DBX1: variants seen among roughly 807,000 people sequenced by gnomAD.
DBX1 encodes the protein developing brain homeobox 1, also known as homeobox protein DBX1.
Under a neutral mutation model 20.8 loss-of-function variants are expected in DBX1, and 10 were observed. That is an observed-to-expected ratio of 0.48 (90% CI 0.30 to 0.82). The LOEUF is 0.82. Ranked by LOEUF, DBX1 falls within the 40% of genes least tolerant of loss-of-function variation. DBX1 has a pLI of 0.07. For missense variants in DBX1, 505 were observed against 468.8 expected (o/e 1.08, Z -0.71); for synonymous variants, 241 against 213.9 (o/e 1.13, Z -1.11).
At position 20,156,261 on chromosome 11, in the gene DBX1, C is replaced by T. The variant is rs757022947; in HGVS notation, c.985G>A (p.Glu329Lys). The T allele has an allele frequency of 3.9e-6, 6 of 1,521,488 alleles. No individual in the cohort carries two copies. The highest frequency in any genetic ancestry group is 4.4e-6 in the Non-Finnish European group (5 of 1,136,738). 94.2% of individuals were successfully genotyped at this position (1,521,488 alleles called of 1,614,324 possible). A position where few individuals can be genotyped will look rare whatever the true frequency, so the allele number is the denominator to read the frequency against. The change falls in exon 4 of 4, where the codon GAG becomes AAG. Residue 329 changes from glutamate (E) to lysine (K), a missense_variant. Physicochemically the swap from Glu to Lys is moderately conservative, Grantham distance 56 (BLOSUM62 1). Transcript: ENST00000524983. The surrounding 1 kb of genome is among the most constrained non-coding windows in gnomAD (Gnocchi z 4.8). The stretch of plus-strand genomic sequence containing the variant: ...TGTTCCTCGCCCTCCTCTTCCTCCT[C>T]GGAATCTGAGAAGTCCGAAGGTTTC... ...PGKPSDFSDS[E>K]EEEEGEEQEE...
rs149083489 is a variant in DBX1, at chr11:20,156,273, A to G, written c.973T>C (p.Phe325Leu). ...TCCTCTTCCTCCTCGGAATCTGAGA[A>G]GTCCGAAGGTTTCCCGGGACTGCTC... ...HSSSPGKPSD[F>L]SDSEEEEEGE... The change falls in exon 4 of 4, where the codon TTC (phenylalanine) becomes CTC (leucine). Residue 325 changes from phenylalanine (F) to leucine (L), a missense_variant. Physicochemically the swap from Phe to Leu is conservative, Grantham distance 22 (BLOSUM62 0). Coordinates refer to ENST00000524983, the MANE Select transcript of DBX1 (RefSeq NM_001029865.4). This position sits in a 1 kb window ranked among gnomAD's most constrained non-coding sequence, Gnocchi z 4.8. 4.0e-5 allele frequency: 61 copies of G among 1,523,386 alleles called. No individual in the cohort carries two copies. The African/African-American group carries it at 8.1e-4, about 20-fold the overall frequency. 94.4% of individuals were successfully genotyped at this position (1,523,386 alleles called of 1,614,324 possible).
chr11:20,156,933 T>G lies in DBX1; in HGVS notation c.672+104A>C. On this transcript the variant is annotated intron_variant, in intron 3 of 3. Transcript: ENST00000524983. The surrounding 1 kb of genome is among the most constrained non-coding windows in gnomAD (Gnocchi z 4.8). ...CTCTAGGCCTCGGTTTTCCCATCTG[T>G]ACAGTGGGACCTAAGCCGTTTCCGA... is the stretch of plus-strand genomic sequence containing the variant. 1 of 1,225,738 alleles carries G rather than the reference T, an allele frequency of 8.2e-7. No individual in the cohort carries two copies. Among genetic ancestry groups the G allele is most frequent in the Non-Finnish European group, 1.2e-6 (1 of 862,618 alleles). The allele number at this position is 1,225,738 out of a possible 1,614,324, so 75.9% of individuals were successfully genotyped here. A position where few individuals can be genotyped will look rare whatever the true frequency, so the allele number is the denominator to read the frequency against.
At position 20,157,032 on chromosome 11, in the gene DBX1, C is replaced by G. The variant is rs377329038; in HGVS notation, c.672+5G>C. The G allele has an allele frequency of 3.3e-5, 54 of 1,613,594 alleles. No homozygotes were observed. The highest frequency in any genetic ancestry group is 4.4e-5 in the Non-Finnish European group (52 of 1,179,950). On this transcript the variant is annotated splice_donor_5th_base_variant and intron_variant, in intron 3 of 3. Coordinates refer to ENST00000524983, the MANE Select transcript of DBX1 (RefSeq NM_001029865.4). ...GGGGGGGTGCTGTGGAGGAAATGCGCTCACCTGCGAGTCTTTCAGGCCCAG... is the reference window on the plus strand; with the variant it reads ...GGGGGGGTGCTGTGGAGGAAATGCGGTCACCTGCGAGTCTTTCAGGCCCAG...
chr11:20,156,620 T>G lies in DBX1; in HGVS notation c.673-47A>C. On this transcript the variant is annotated intron_variant, in intron 3 of 3. Coordinates refer to ENST00000524983, the MANE Select transcript of DBX1 (RefSeq NM_001029865.4). The surrounding 1 kb of genome is among the most constrained non-coding windows in gnomAD (Gnocchi z 4.8). ...GAAGAAGGGAGAAGCAGAGGTCAGA[T>G]CAGGGGCTCCGGGGGACGCACGGGG... The G allele has an allele frequency of 6.2e-7, 1 of 1,613,452 alleles. No individual in the cohort carries two copies. The highest frequency in any genetic ancestry group is 8.5e-7 in the Non-Finnish European group (1 of 1,179,968).
At position 20,160,119 on chromosome 11, in the gene DBX1, C is replaced by A; in HGVS notation, c.206G>T (p.Gly69Val). ...PTASMSPPRQGAPTALTDTGA... is the reference protein window; with the variant it reads ...PTASMSPPRQVAPTALTDTGA... ...CGTGTCGGTGAGGGCCGTGGGGGCC[C>A]CCTGCCTGGGCGGCGACATGCTGGC... Residue 69 changes from glycine (G) to valine (V), a missense_variant, in exon 1 of 4, where the codon GGG becomes GTG. Physicochemically the swap from Gly to Val is moderately radical, Grantham distance 109. Coordinates refer to ENST00000524983, the MANE Select transcript of DBX1 (RefSeq NM_001029865.4). 6.5e-7 allele frequency: 1 copy of A among 1,549,942 alleles called. No homozygotes were observed. The highest frequency in any genetic ancestry group is 8.7e-7 in the Non-Finnish European group (1 of 1,146,152).
chr11:20,157,004 GC>G (rs1201178236), intron 3 of DBX1, 32 bp downstream of exon 3: 16 of 1,560,216 alleles, frequency 1.0e-5, no homozygotes, highest in Admixed American at 1.8e-5. Context: ...AAGGGCGGGG[GC>G]GGGGGGGGTG....
At chr11:20,158,687 C>T (rs146395410) in intron 2 of DBX1, among the ~76,000 whole-genome samples, 280 of 152,198 alleles carry the variant, frequency 1.8e-3, no homozygotes, top group Non-Finnish European at 3.2e-3. Context: ...CACAAGAGGG[C>T]ACCCCATGTG....
chr11:20,157,367 G>A, intron 2 of DBX1, 128 bp from the exon 3 acceptor site: 6 of 853,240 alleles, frequency 7.0e-6, no homozygotes, highest in Non-Finnish European at 8.8e-6. Flanking sequence ...CTGGAGAATA[G>A]GCCACGAACC....
At chr11:20,157,328 A>G (rs995618767) in intron 2 of DBX1, 89 bp from the exon 3 acceptor site, 6 of 1,203,110 alleles carry the variant, frequency 5.0e-6, no homozygotes, top group Non-Finnish European at 3.5e-6. Context: ...TGATCCCTTC[A>G]TCTCTTTAAA....
In DBX1 at chr11:20,160,456, T is replaced by G. The variant is rs2063684828; in HGVS notation, c.-132A>C. ...AACGTCTCCAAGTAACAATCCCACT[T>G]GGGCGTCTGCGAGTCCTCCGTGGTC... On this transcript the variant is annotated 5_prime_UTR_variant, in exon 1 of 4. Transcript: ENST00000524983. 2 of 1,242,850 alleles carry G rather than the reference T, an allele frequency of 1.6e-6. No homozygotes were observed. Among genetic ancestry groups the G allele is most frequent in the Admixed American group, 6.7e-5 (2 of 29,724 alleles). 77.0% of individuals were successfully genotyped at this position (1,242,850 alleles called of 1,614,324 possible). A position where few individuals can be genotyped will look rare whatever the true frequency, so the allele number is the denominator to read the frequency against.
intron 2 of DBX1, 37 bp downstream of exon 2, chr11:20,159,154 C>T: frequency 6.8e-7 from 1 of 1,468,472 alleles, no homozygotes; most frequent in Non-Finnish European, 9.5e-7. Flanking sequence ...GCTGGGGCGC[C>T]GCCCTGCCTC....
chr11:20,158,273 C>G (rs1166648004), intron 2 of DBX1, among the ~76,000 whole-genome samples: 2 of 151,354 alleles, frequency 1.3e-5, no homozygotes, highest in Non-Finnish European at 2.9e-5. Flanking sequence ...AATTATCTCT[C>G]CCCTTTAAAA....
intron 2 of DBX1, among the ~76,000 whole-genome samples, chr11:20,158,136 GTTGT>G (rs372171457): frequency 4.5e-4 from 68 of 151,372 alleles, no homozygotes; most frequent in Middle Eastern, 6.8e-3. Flanking sequence ...TAAAGCTCGG[GTTGT>G]TTTTGTTAGA....
In DBX1 at chr11:20,160,382, G is replaced by T. The variant is rs1369118786; in HGVS notation, c.-58C>A. ...TCAGTGGCCGGAGGGTAAACGCCTC[G>T]CTTCCCGCCCCTCCCGCCCCCACAG... On this transcript the variant is annotated 5_prime_UTR_variant, in exon 1 of 4. Transcript: ENST00000524983. 7.6e-6 allele frequency: 11 copies of T among 1,449,152 alleles called. No individual in the cohort carries two copies. Among genetic ancestry groups the T allele is most frequent in the Non-Finnish European group, 8.2e-6 (9 of 1,104,154 alleles). The allele number at this position is 1,449,152 out of a possible 1,614,324, so 89.8% of individuals were successfully genotyped here.
rs774892233 is a variant in DBX1, at chr11:20,156,729, G to T, written c.673-156C>A. On this transcript the variant is annotated intron_variant, in intron 3 of 3. Transcript: ENST00000524983. The surrounding 1 kb of genome is among the most constrained non-coding windows in gnomAD (Gnocchi z 4.8). ...CAGAAATGAGTTCCGGTGGATTCCCGCATTGACTCCGCCCCCGCCTCAGCT... is the reference window on the plus strand; with the variant it reads ...CAGAAATGAGTTCCGGTGGATTCCCTCATTGACTCCGCCCCCGCCTCAGCT... 16 of 1,170,664 alleles carry T rather than the reference G, an allele frequency of 1.4e-5. No homozygotes were observed. The highest frequency in any genetic ancestry group is 1.2e-4 in the Admixed American group (7 of 58,798). 72.5% of individuals were successfully genotyped at this position (1,170,664 alleles called of 1,614,324 possible). A position where few individuals can be genotyped will look rare whatever the true frequency, so the allele number is the denominator to read the frequency against.
At chr11:20,158,853 G>T (rs1232289436) in intron 2 of DBX1, among the ~76,000 whole-genome samples, 2 of 152,098 alleles carry the variant, frequency 1.3e-5, no homozygotes, top group African/African-American at 4.8e-5. Flanking sequence ...CCTTTGTGGG[G>T]AATCGTGGCC....
At chr11:20,159,338 A>G (rs1250654394) in intron 1 of DBX1, 46 bp from the exon 2 acceptor site, 2 of 1,299,266 alleles carry the variant, frequency 1.5e-6, no homozygotes, top group African/African-American at 2.9e-5. Flanking sequence ...GGAGACAGAA[A>G]GAATCTGATT....
rs527653461 is a variant in DBX1 at position 20,156,826 on chromosome 11, G to C, written c.672+211C>G. 2.7e-6 allele frequency: 2 copies of C among 752,988 alleles called. No homozygotes were observed. Among genetic ancestry groups the C allele is most frequent in the African/African-American group, 3.5e-5 (2 of 57,356 alleles). 46.6% of individuals were successfully genotyped at this position (752,988 alleles called of 1,614,324 possible). A position where few individuals can be genotyped will look rare whatever the true frequency, so the allele number is the denominator to read the frequency against. On this transcript the variant is annotated intron_variant, in intron 3 of 3. Transcript: ENST00000524983. This position sits in a 1 kb window ranked among gnomAD's most constrained non-coding sequence, Gnocchi z 4.8. ...GGGTTGGGGGCCGGTGAGGCCGGGA[G>C]AGAAGGCGGGGAGTCGGGGTGGGGA...
In DBX1 at chr11:20,156,289, G is replaced by A. The variant is rs940161476; in HGVS notation, c.957C>T (p.Pro319=). The A allele has an allele frequency of 3.3e-6, 5 of 1,537,162 alleles. No individual in the cohort carries two copies. The African/African-American group carries it at 5.5e-5, about 17-fold the overall frequency. Residue 319 remains proline, a synonymous_variant, in exon 4 of 4, where the codon CCC becomes CCT. Coordinates refer to ENST00000524983, the MANE Select transcript of DBX1 (RefSeq NM_001029865.4). This position sits in a 1 kb window ranked among gnomAD's most constrained non-coding sequence, Gnocchi z 4.8. ...AATCTGAGAAGTCCGAAGGTTTCCC[G>A]GGACTGCTCGAGTGCGCGGGCGAGG... ...LPPSPAHSSS[P]GKPSDFSDSE... is the part of the protein sequence containing the mutation.
Sources: gnomAD v4.1 joint callset for allele counts (sites outside exome capture counted in the v4.1 genomes callset) on GRCh38, gnomAD v4.1.1 for gene constraint, Gnocchi (gnomAD v3.1) non-coding constraint, MANE v1.5 for transcripts, NCBI Gene and HGNC (gene_info 2026-07-23, HGNC 2026-07-21) for gene names.